CDH13: variants seen among roughly 807,000 people sequenced by gnomAD.
CDH13 encodes the protein cadherin 13, also known as cadherin-13.
In CDH13, 24 loss-of-function variants were observed where a neutral mutation model predicts 63.8. That is an observed-to-expected ratio of 0.38 (90% confidence interval 0.27 to 0.53). The LOEUF is 0.53. Ranked by LOEUF, CDH13 falls within the 20% of genes least tolerant of loss-of-function variation. The pLI, the probability that CDH13 is intolerant of heterozygous loss-of-function variation, is 0.85. For synonymous variants in CDH13, 503 were observed against 355.3 expected, an observed-to-expected ratio of 1.42 and a Z score of -4.67; for missense variants, 1,049 against 903.1, an observed-to-expected ratio of 1.16 and a Z score of -2.07.
intron 7 of CDH13, among the ~76,000 whole-genome samples, chr16:83,530,728 C>A (rs2075065727): frequency 6.6e-6 from 1 of 152,338 alleles, no homozygotes; most frequent in African/African-American, 2.4e-5. Context: ...CACAGAGGGA[C>A]AGTGACTTTC....
chr16:83,477,218 A>T (rs950611454), intron 6 of CDH13, among the ~76,000 whole-genome samples: 7 of 152,188 alleles, frequency 4.6e-5, no homozygotes, highest in African/African-American at 1.4e-4. Flanking sequence ...AAAATAAACA[A>T]CCTTTGAAAA....
intron 7 of CDH13, among the ~76,000 whole-genome samples, chr16:83,507,322 G>A (rs1362468838): frequency 6.6e-6 from 1 of 152,234 alleles, no homozygotes; most frequent in African/African-American, 2.4e-5. Flanking sequence ...AAGAGGTATT[G>A]TTATTAATAG....
chr16:83,141,883 T>C (rs1294093341), intron 4 of CDH13, among the ~76,000 whole-genome samples: 2 of 152,166 alleles, frequency 1.3e-5, no homozygotes, highest in East Asian at 1.9e-4. Flanking sequence ...TCCATGTGCA[T>C]ATGTGCTTTC....
chr16:83,335,500 T>C (rs902746753), intron 5 of CDH13, among the ~76,000 whole-genome samples: 1 of 152,120 alleles, frequency 6.6e-6, no homozygotes, highest in East Asian at 1.9e-4. Flanking sequence ...GAGCTTCTGA[T>C]GATCATTTTA....
intron 3 of CDH13, among the ~76,000 whole-genome samples, chr16:83,067,068 C>T (rs138196131): frequency 3.9e-5 from 6 of 152,294 alleles, no homozygotes; most frequent in Non-Finnish European, 7.4e-5. Flanking sequence ...TTTAAGCGTC[C>T]TTCATTCTTC....
At chr16:83,200,849 T>C (rs1449992918) in intron 4 of CDH13, among the ~76,000 whole-genome samples, 2 of 152,090 alleles carry the variant, frequency 1.3e-5, no homozygotes, top group African/African-American at 4.8e-5. Flanking sequence ...AAGAGAGATA[T>C]TCATCCAAGT....
intron 4 of CDH13, among the ~76,000 whole-genome samples, chr16:83,165,883 C>T (rs529277473): frequency 2.6e-5 from 4 of 152,182 alleles, no homozygotes; most frequent in East Asian, 3.9e-4. Flanking sequence ...TCAGCACAAT[C>T]GCTCTGTAGG....
chr16:83,730,710 A>C (rs1003739027), intron 10 of CDH13, among the ~76,000 whole-genome samples: 5 of 152,052 alleles, frequency 3.3e-5, no homozygotes, highest in Admixed American at 2.0e-4. Flanking sequence ...GGGCAGGTTT[A>C]TTACCTGGGT....
chr16:82,970,545 G>T (rs1020363889), intron 2 of CDH13, among the ~76,000 whole-genome samples: 1 of 142,138 alleles, frequency 7.0e-6, no homozygotes, highest in Non-Finnish European at 1.6e-5. Flanking sequence ...GACTACAGGC[G>T]CCCGCCACCG....
At chr16:83,657,203 G>A (rs1289122356) in intron 8 of CDH13, among the ~76,000 whole-genome samples, 2 of 152,214 alleles carry the variant, frequency 1.3e-5, no homozygotes, top group Non-Finnish European at 2.9e-5. Flanking sequence ...TATGAGTGAT[G>A]TAAAGGGTAT....
At chr16:82,685,868 C>T (rs1231233721) in intron 1 of CDH13, among the ~76,000 whole-genome samples, 4 of 152,216 alleles carry the variant, frequency 2.6e-5, no homozygotes, top group African/African-American at 4.8e-5. Flanking sequence ...TAAGCAGAGA[C>T]AGTCCTCTTT....
At chr16:83,660,972 C>G (rs1044697600) in intron 8 of CDH13, among the ~76,000 whole-genome samples, 1 of 151,692 alleles carries the variant, frequency 6.6e-6, no homozygotes, top group African/African-American at 2.4e-5. Flanking sequence ...TTTTATTTTT[C>G]TGTCACCATC....
At chr16:83,714,716 C>G (rs1439696771) in intron 10 of CDH13, among the ~76,000 whole-genome samples, 1 of 152,096 alleles carries the variant, frequency 6.6e-6, no homozygotes, top group African/African-American at 2.4e-5. Flanking sequence ...TGTTTGACAT[C>G]CTGGCATCTT....
At chr16:83,143,783 G>A (rs1227699387) in intron 4 of CDH13, among the ~76,000 whole-genome samples, 8 of 151,914 alleles carry the variant, frequency 5.3e-5, no homozygotes, top group Admixed American at 2.6e-4. Flanking sequence ...CTCCTCCTTC[G>A]TTTCCAGGCT....
intron 11 of CDH13, among the ~76,000 whole-genome samples, chr16:83,766,917 C>T (rs1393994704): frequency 6.6e-6 from 1 of 152,094 alleles, no homozygotes; most frequent in Non-Finnish European, 1.5e-5. Flanking sequence ...TCTGTGCTGC[C>T]ACCCTGTGAA....
At chr16:83,593,793 G>T (rs1906993403) in intron 7 of CDH13, among the ~76,000 whole-genome samples, 1 of 152,036 alleles carries the variant, frequency 6.6e-6, no homozygotes, top group Admixed American at 6.6e-5. Flanking sequence ...ACAAGAAAAG[G>T]CCCCTGATCT....
intron 7 of CDH13, among the ~76,000 whole-genome samples, chr16:83,582,161 C>T (rs971973779): frequency 6.6e-6 from 1 of 152,142 alleles, no homozygotes; most frequent in Non-Finnish European, 1.5e-5. Context: ...GGATCCTTGG[C>T]TCTGTGAGGG....
chr16:83,140,455 CTT>C (rs1167731628), intron 4 of CDH13, among the ~76,000 whole-genome samples: 1 of 152,058 alleles, frequency 6.6e-6, no homozygotes, highest in Admixed American at 6.6e-5. Context: ...TCTGATGTAT[CTT>C]TTTTCTTTTT....
At chr16:82,857,596 G>A (rs1334196631) in intron 1 of CDH13, among the ~76,000 whole-genome samples, 1 of 152,150 alleles carries the variant, frequency 6.6e-6, no homozygotes, top group South Asian at 2.1e-4. Flanking sequence ...AGTGTCTTAA[G>A]CATCTGCAAA....
Sources: gnomAD v4.1 joint callset for allele counts (sites outside exome capture counted in the v4.1 genomes callset) on GRCh38, gnomAD v4.1.1 for gene constraint, MANE v1.5 for transcripts, NCBI Gene and HGNC (gene_info 2026-07-23, HGNC 2026-07-21) for gene names.